Variants in UGT1A9 observed in about 807,000 individuals in gnomAD.
The protein encoded by UGT1A9 is UDP glucuronosyltransferase family 1 member A9.
A neutral mutation model predicts 45.0 loss-of-function variants in UGT1A9; 35 were observed. That is an observed-to-expected ratio of 0.78 (90% confidence interval 0.59 to 1.03). UGT1A9 has a LOEUF of 1.03. Ranked by LOEUF, UGT1A9 falls within the 50% of genes least tolerant of loss-of-function variation. The pLI, the probability that UGT1A9 is intolerant of heterozygous loss-of-function variation, is 0.00. For synonymous variants in UGT1A9, 278 were observed against 250.6 expected (o/e 1.11, Z -1.03); for missense variants, 687 against 666.6 (o/e 1.03, Z -0.34).
chr2:233,704,566 C>T (rs1174426546), intron 1 of UGT1A9, among the ~76,000 whole-genome samples: 1 of 152,028 alleles, frequency 6.6e-6, no homozygotes, highest in Non-Finnish European at 1.5e-5. Flanking sequence ...TATAAATACA[C>T]ATGCTTTCAA....
intron 1 of UGT1A9, chr2:233,690,776 T>TAC (rs34459843): frequency 0.012 from 13,190 of 1,061,660 alleles, 127 homozygotes; most frequent in African/African-American, 0.074. Context: ...CACACACACA[T>TAC]ACACACACAC....
In UGT1A9 at chr2:233,672,085, A is replaced by C. The variant is rs1250541638; in HGVS notation, c.151A>C (p.Arg51=). ...GTCGGTGGTGGAGAAACTCATTCTC[A>C]GGGGGCATGAGGTGGTTGTAGTCAT... is the stretch of plus-strand genomic sequence containing the variant. ...MRSVVEKLIL[R]GHEVVVVMPE... is the part of the protein sequence containing the mutation. The change falls in exon 1 of 5, where the codon AGG becomes CGG. Residue 51 remains arginine, a synonymous_variant. Coordinates refer to ENST00000354728, the MANE Select transcript of UGT1A9 (RefSeq NM_021027.3). 6.2e-7 allele frequency: 1 copy of C among 1,614,142 alleles called. No homozygotes were observed.
chr2:233,728,344 T>C (rs965665608), intron 1 of UGT1A9, among the ~76,000 whole-genome samples: 5 of 152,226 alleles, frequency 3.3e-5, no homozygotes, highest in African/African-American at 4.8e-5. Context: ...AGTCCCTTGG[T>C]GAGCAGGAGC....
At chr2:233,707,260 G>A (rs1461655680) in intron 1 of UGT1A9, among the ~76,000 whole-genome samples, 2 of 151,950 alleles carry the variant, frequency 1.3e-5, no homozygotes, top group Non-Finnish European at 1.5e-5. Flanking sequence ...TTCTTCATCA[G>A]CATTTATTTT....
chr2:233,751,726 T>C (rs148405152), intron 1 of UGT1A9, among the ~76,000 whole-genome samples: 37 of 152,334 alleles, frequency 2.4e-4, no homozygotes, highest in Admixed American at 6.5e-4. Context: ...AAGTGAACTC[T>C]TCCTCTCTGT....
At chr2:233,693,088 G>A in intron 1 of UGT1A9, 9 of 1,614,204 alleles carry the variant, frequency 5.6e-6, no homozygotes, top group Non-Finnish European at 7.6e-6. Context: ...TAGGTGACAA[G>A]CTGCTGGTGG....
At position 233,703,223 on chromosome 2, in the gene UGT1A9, T is replaced by C. The variant is rs529821156; in HGVS notation, c.855+30434T>C. ...GTCAATTTTATCTAAGTTATCTAAT[T>C]CCTTGGCATAAAATGGCCCAGAGTG... is the stretch of plus-strand genomic sequence containing the variant. On this transcript the variant is annotated intron_variant, in intron 1 of 4. Coordinates refer to ENST00000354728, the MANE Select transcript of UGT1A9 (RefSeq NM_021027.3). Among the ~76,000 whole-genome samples the C allele has an allele frequency of 7.9e-5, 12 of 152,310 alleles. No homozygotes were observed. In the South Asian group the frequency reaches 2.5e-3, roughly 32 times the overall value.
chr2:233,703,342 T>C (rs1204412356), intron 1 of UGT1A9, among the ~76,000 whole-genome samples: 1 of 152,166 alleles, frequency 6.6e-6, no homozygotes, highest in Non-Finnish European at 1.5e-5. Flanking sequence ...CTCTCTTTTT[T>C]CTTTGTTAAT....
rs113101046 is a variant in UGT1A9, at chr2:233,672,366, A to G, written c.432A>G (p.Ala144=). Residue 144 remains alanine (A), a synonymous_variant, in exon 1 of 5, where the codon GCA becomes GCG. Transcript: ENST00000354728. ...ACTTAAAGGAGAGTTCTTTTGATGC[A>G]GTGTTTCTCGATCCTTTTGATAACT... is the stretch of plus-strand genomic sequence containing the variant. ...VEYLKESSFD[A]VFLDPFDNCG... 239 of 1,614,148 alleles carry G rather than the reference A, an allele frequency of 1.5e-4. 4 individuals carry two copies. In the African/African-American group the frequency reaches 2.2e-3, roughly 15 times the overall value.
At chr2:233,693,684 C>G in intron 1 of UGT1A9, 1 of 1,614,168 alleles carries the variant, frequency 6.2e-7, no homozygotes, top group Non-Finnish European at 8.5e-7. Flanking sequence ...TGTCTGTTTT[C>G]AAAGTATGAA....
intron 1 of UGT1A9, among the ~76,000 whole-genome samples, chr2:233,707,976 C>T (rs189424052): frequency 1.3e-5 from 2 of 152,244 alleles, no homozygotes; most frequent in Non-Finnish European, 2.9e-5. Flanking sequence ...GTCTATTGCC[C>T]ACTGGGTTGT....
At chr2:233,735,683 G>A (rs909239593) in intron 1 of UGT1A9, among the ~76,000 whole-genome samples, 11 of 152,010 alleles carry the variant, frequency 7.2e-5, no homozygotes, top group African/African-American at 2.7e-4. Context: ...CTTCCTTTAG[G>A]AGCTCTTGTA....
intron 1 of UGT1A9, chr2:233,690,718 A>G (rs2075004617): frequency 8.2e-7 from 1 of 1,217,746 alleles, no homozygotes; most frequent in Non-Finnish European, 1.0e-6. Flanking sequence ...ATTATGACGA[A>G]CAGACATGCC....
Position 233,772,828 on chromosome 2 carries a change from C to T in UGT1A9, c.*269C>T, listed in dbSNP as rs762669023. The stretch of plus-strand genomic sequence containing the variant: ...TTCAGAGGACGTGCAGACAGGCTGG[C>T]ATTCTAGATTACTTTTCTTACTCTG... On this transcript the variant is annotated 3_prime_UTR_variant, in exon 5 of 5. Coordinates refer to ENST00000354728, the MANE Select transcript of UGT1A9 (RefSeq NM_021027.3). 7.5e-5 allele frequency: 69 copies of T among 921,010 alleles called. No individual in the cohort carries two copies. The highest frequency in any genetic ancestry group is 9.8e-5 in the Non-Finnish European group (65 of 663,798). 57.1% of individuals were successfully genotyped at this position (921,010 alleles called of 1,614,324 possible).
At chr2:233,688,275 G>A (rs1164670990) in intron 1 of UGT1A9, among the ~76,000 whole-genome samples, 1 of 152,188 alleles carries the variant, frequency 6.6e-6, no homozygotes, top group Non-Finnish European at 1.5e-5. Context: ...ATATTCCATT[G>A]TATGGATTTA....
intron 1 of UGT1A9, among the ~76,000 whole-genome samples, chr2:233,677,695 G>A (rs2074396961): frequency 6.6e-6 from 1 of 152,040 alleles, no homozygotes; most frequent in Non-Finnish European, 1.5e-5. Flanking sequence ...TGGTGAGGCT[G>A]CTGAGAAAAG....
In UGT1A9 at chr2:233,700,061, GGT is replaced by G. The variant is rs1575467362; in HGVS notation, c.855+27275_855+27276del. On this transcript the variant is annotated intron_variant, in intron 1 of 4. Transcript: ENST00000354728. ...TAAATCAATTCCAAGTGAATCCAGT[GGT>G]GTCTACCCAGCAAGGCCCCCAGCCT... is the stretch of plus-strand genomic sequence containing the variant. Among the ~76,000 whole-genome samples the G allele has an allele frequency of 2.0e-5, 3 of 152,318 alleles. No homozygotes were observed. The East Asian group carries it at 5.8e-4, about 29-fold the overall frequency.
intron 1 of UGT1A9, among the ~76,000 whole-genome samples, chr2:233,675,932 A>G (rs2074339491): frequency 6.6e-6 from 1 of 152,192 alleles, no homozygotes; most frequent in Admixed American, 6.5e-5. Context: ...TATCTCATTT[A>G]CAGTCCATAA....
At chr2:233,720,118 G>C (rs1261428456) in intron 1 of UGT1A9, among the ~76,000 whole-genome samples, 1 of 152,216 alleles carries the variant, frequency 6.6e-6, no homozygotes, top group African/African-American at 2.4e-5. Flanking sequence ...GAAAGATACA[G>C]AGGTGACCAC....
Sources: gnomAD v4.1 joint callset for allele counts (sites outside exome capture counted in the v4.1 genomes callset) on GRCh38, gnomAD v4.1.1 for gene constraint, MANE v1.5 for transcripts, NCBI Gene and HGNC (gene_info 2026-07-23, HGNC 2026-07-21) for gene names.